PTPRG: variants seen among roughly 807,000 people sequenced by gnomAD.
The protein encoded by PTPRG is receptor-type tyrosine-protein phosphatase gamma.
PTPRG carries 102 observed loss-of-function variants against 165.3 expected under a neutral mutation model. The ratio of observed to expected loss-of-function variants is 0.62; its 90% CI spans 0.53 to 0.73. PTPRG has a LOEUF of 0.73. Ranked by LOEUF, PTPRG falls within the 30% of genes least tolerant of loss-of-function variation. The pLI, the probability that PTPRG is intolerant of heterozygous loss-of-function variation, is 0.00. For missense variants in PTPRG, 1,866 were observed against 1,861.4 expected, an observed-to-expected ratio of 1.00 and a Z score of -0.05; for synonymous variants, 675 against 669.5, an observed-to-expected ratio of 1.01 and a Z score of -0.13.
chr3:61,773,485 A>G (rs112824957), intron 2 of PTPRG, among the ~76,000 whole-genome samples: 21 of 152,210 alleles, frequency 1.4e-4, no homozygotes, highest in Middle Eastern at 3.2e-3. Flanking sequence ...TGGCCAAAAT[A>G]AAAGACTTTT....
intron 4 of PTPRG, among the ~76,000 whole-genome samples, chr3:62,013,502 G>A (rs992062704): frequency 3.3e-5 from 5 of 152,150 alleles, no homozygotes; most frequent in Non-Finnish European, 4.4e-5. Context: ...TACAGCAGAG[G>A]GACTATAGTT....
At chr3:62,125,568 A>C (rs1703257118) in intron 5 of PTPRG, among the ~76,000 whole-genome samples, 1 of 152,186 alleles carries the variant, frequency 6.6e-6, no homozygotes, top group Non-Finnish European at 1.5e-5. Flanking sequence ...ATTATTAACA[A>C]GGGAAAGTCA....
chr3:62,095,383 A>G (rs765011795), intron 5 of PTPRG, among the ~76,000 whole-genome samples: 8 of 152,142 alleles, frequency 5.3e-5, no homozygotes, highest in Non-Finnish European at 7.4e-5. Flanking sequence ...TGGGATACAA[A>G]TGACAGCAGT....
intron 2 of PTPRG, among the ~76,000 whole-genome samples, chr3:61,987,756 G>C (rs1025039108): frequency 1.3e-5 from 2 of 152,168 alleles, no homozygotes; most frequent in African/African-American, 4.8e-5. Context: ...CACTTTATTT[G>C]GTTTTTCAAT....
intron 6 of PTPRG, among the ~76,000 whole-genome samples, chr3:62,154,907 G>A (rs1018105818): frequency 3.3e-5 from 5 of 152,122 alleles, no homozygotes; most frequent in African/African-American, 9.7e-5. Context: ...ACCCTCTATC[G>A]CTTGGGGCTT....
At chr3:61,652,132 A>G (rs1171097367) in intron 1 of PTPRG, among the ~76,000 whole-genome samples, 3 of 152,018 alleles carry the variant, frequency 2.0e-5, no homozygotes, top group Non-Finnish European at 4.4e-5. Flanking sequence ...AGATGGTAAA[A>G]CCCCATCTCT....
rs1701229358 is a variant in PTPRG, at chr3:61,613,463, T to G, written c.85+51091T>G. Among the ~76,000 whole-genome samples, 3 of 152,318 alleles carry G rather than the reference T, an allele frequency of 2.0e-5. No homozygotes were observed. In the South Asian group the frequency reaches 6.2e-4, roughly 32 times the overall value. Reference sequence around the variant, plus strand: ...AAAGACATGCAGGGGTGAAAGGGAATTTGTGTGTTTCTTAGATTGGAAGGA... The same window carrying G: ...AAAGACATGCAGGGGTGAAAGGGAAGTTGTGTGTTTCTTAGATTGGAAGGA... On this transcript the variant is annotated intron_variant, in intron 1 of 29. Transcript: ENST00000474889.
chr3:62,019,068 C>T (rs954240486), intron 4 of PTPRG, among the ~76,000 whole-genome samples: 2 of 152,188 alleles, frequency 1.3e-5, no homozygotes, highest in East Asian at 1.9e-4. Context: ...CTGGTTACAG[C>T]TGGGGCCTCA....
At chr3:61,714,082 CTTTCTAAAATATGAGCTCTATGACTAT>C (rs2106761295) in intron 1 of PTPRG, among the ~76,000 whole-genome samples, 1 of 152,200 alleles carries the variant, frequency 6.6e-6, no homozygotes, top group African/African-American at 2.4e-5. Context: ...TCTTTTCTGG[CTTTCTAAAATATGAGCTCTATGACTAT>C]TAATATATTT....
At chr3:62,037,501 A>G (rs1699984198) in intron 4 of PTPRG, among the ~76,000 whole-genome samples, 1 of 152,222 alleles carries the variant, frequency 6.6e-6, no homozygotes, top group Non-Finnish European at 1.5e-5. Flanking sequence ...TGCAGGCATT[A>G]GCAAATATCC....
At chr3:61,586,569 C>A (rs1449029711) in intron 1 of PTPRG, among the ~76,000 whole-genome samples, 1 of 152,168 alleles carries the variant, frequency 6.6e-6, no homozygotes, top group African/African-American at 2.4e-5. Context: ...GCAGGGCCAA[C>A]ATTACTGAAA....
At chr3:62,023,009 A>AT (rs1180930261) in intron 4 of PTPRG, among the ~76,000 whole-genome samples, 1 of 152,168 alleles carries the variant, frequency 6.6e-6, no homozygotes, top group Non-Finnish European at 1.5e-5. Context: ...CATTCAAAAC[A>AT]AAATTAAGAA....
chr3:62,095,935 G>A (rs535920546), intron 5 of PTPRG, among the ~76,000 whole-genome samples: 1 of 152,176 alleles, frequency 6.6e-6, no homozygotes, highest in Non-Finnish European at 1.5e-5. Flanking sequence ...TCAAGCTAGA[G>A]CATTGACTTC....
At chr3:61,624,948 G>C (rs1248616468) in intron 1 of PTPRG, among the ~76,000 whole-genome samples, 1 of 152,066 alleles carries the variant, frequency 6.6e-6, no homozygotes, top group African/African-American at 2.4e-5. Flanking sequence ...TGTCAGCAGG[G>C]TTAATTCCTT....
chr3:62,243,796 T>A lies in PTPRG; in HGVS notation c.2376-11T>A, dbSNP rs764212193. The A allele has an allele frequency of 7.2e-6, 11 of 1,536,216 alleles. No individual in the cohort carries two copies. In the African/African-American group the frequency reaches 1.2e-4, roughly 17 times the overall value. On this transcript the variant is annotated splice_polypyrimidine_tract_variant and intron_variant, in intron 14 of 29. Transcript: ENST00000474889. ...TTCTATTATTGACATGTTTTTCTCT[T>A]TTCTACACAGAAAATGTTTTCAGAC...
At chr3:61,849,005 C>T (rs1007750426) in intron 2 of PTPRG, among the ~76,000 whole-genome samples, 2 of 152,182 alleles carry the variant, frequency 1.3e-5, no homozygotes, top group Admixed American at 6.5e-5. Context: ...ATAATGATTT[C>T]ATTAAACATT....
chr3:61,587,230 A>G (rs1407801213), intron 1 of PTPRG, among the ~76,000 whole-genome samples: 2 of 152,256 alleles, frequency 1.3e-5, no homozygotes, highest in African/African-American at 4.8e-5. Context: ...GCTATCACTT[A>G]TAATTTGTCC....
chr3:61,764,941 C>T (rs1193394140), intron 2 of PTPRG, among the ~76,000 whole-genome samples: 2 of 152,174 alleles, frequency 1.3e-5, no homozygotes, highest in African/African-American at 4.8e-5. Flanking sequence ...TGCTGTTGAA[C>T]ATCCTACAAT....
intron 1 of PTPRG, among the ~76,000 whole-genome samples, chr3:61,629,804 A>G (rs545444410): frequency 2.6e-5 from 4 of 152,354 alleles, no homozygotes; most frequent in African/African-American, 9.6e-5. Flanking sequence ...GATAGATTCC[A>G]GTGGATCTCC....
Sources: allele counts gnomAD v4.1 joint callset (sites outside exome capture counted in the v4.1 genomes callset), GRCh38; gene constraint gnomAD v4.1.1; transcripts MANE v1.5; gene names NCBI Gene and HGNC (gene_info 2026-07-23, HGNC 2026-07-21).